The following DYNC1I1 variants were observed in gnomAD, a reference collection of about 807,000 sequenced individuals.
DYNC1I1 encodes the protein dynein cytoplasmic 1 intermediate chain 1.
A neutral mutation model predicts 86.6 loss-of-function variants in DYNC1I1; 43 were observed. The observed-to-expected ratio is 0.50, with a 90% CI of 0.39 to 0.64. The LOEUF is 0.64. Among genes scored for constraint, DYNC1I1 ranks in the 30% least tolerant of loss-of-function variants. The pLI is 0.00. For missense variants in DYNC1I1, 604 were observed against 788.8 expected (o/e 0.77, Z 2.81); for synonymous variants, 262 against 283.7 (o/e 0.92, Z 0.77).
At chr7:96,100,650 T>TTGTGTGTGTGTGTGTG (rs57129262), downstream of DYNC1I1, among the ~76,000 whole-genome samples, 2,186 of 142,884 alleles carry the variant, frequency 0.015, 25 homozygotes, top group Middle Eastern at 0.035. Context: ...TTTGAGGGTT[T>TTGTGTGTGTGTGTGTG]TGTGTGTGTG....
chr7:95,905,069 A>C (rs1478261654), intron 6 of DYNC1I1, among the ~76,000 whole-genome samples: 1 of 152,206 alleles, frequency 6.6e-6, no homozygotes, highest in Non-Finnish European at 1.5e-5. Flanking sequence ...AGTTTAAGCA[A>C]GTGGGTCAAT....
chr7:95,779,617 C>T (rs1284778403), intron 1 of DYNC1I1, among the ~76,000 whole-genome samples: 3 of 152,140 alleles, frequency 2.0e-5, no homozygotes, highest in East Asian at 1.9e-4. Context: ...CATTGACGTT[C>T]GTATTTCTCC....
chr7:95,953,551 G>C (rs1248338753), intron 6 of DYNC1I1, among the ~76,000 whole-genome samples: 1 of 152,162 alleles, frequency 6.6e-6, no homozygotes, highest in Non-Finnish European at 1.5e-5. Flanking sequence ...TGTAGGTATT[G>C]AATATCATAC....
At chr7:95,804,874 G>A in intron 2 of DYNC1I1, 37 bp downstream of exon 2, 2 of 1,533,380 alleles carry the variant, frequency 1.3e-6, no homozygotes, top group East Asian at 2.5e-5. Context: ...GGGGGAAAAA[G>A]GAAAATCACT....
chr7:95,900,511 A>G (rs1334786341), intron 6 of DYNC1I1, among the ~76,000 whole-genome samples: 2 of 152,150 alleles, frequency 1.3e-5, no homozygotes, highest in Non-Finnish European at 2.9e-5. Context: ...TTAGATGTGT[A>G]TAGTTAAATT....
intron 5 of DYNC1I1, among the ~76,000 whole-genome samples, chr7:95,830,863 C>T (rs758127290): frequency 3.3e-5 from 5 of 152,084 alleles, no homozygotes; most frequent in African/African-American, 7.2e-5. Context: ...TTCTTGACAA[C>T]GCTTAGTTTG....
At chr7:96,046,905 G>A (rs1206566809) in intron 14 of DYNC1I1, among the ~76,000 whole-genome samples, 1 of 152,158 alleles carries the variant, frequency 6.6e-6, no homozygotes, top group South Asian at 2.1e-4. Flanking sequence ...TTAGACTGAG[G>A]TGTCTGGAAA....
chr7:96,070,061 G>T (rs1378564574), intron 14 of DYNC1I1, among the ~76,000 whole-genome samples: 1 of 152,094 alleles, frequency 6.6e-6, no homozygotes, highest in Non-Finnish European at 1.5e-5. Flanking sequence ...TTCTGACCAC[G>T]ATACACACAG....
At chr7:95,973,766 A>G (rs1436104999) in intron 6 of DYNC1I1, among the ~76,000 whole-genome samples, 3 of 152,190 alleles carry the variant, frequency 2.0e-5, no homozygotes, top group Admixed American at 6.5e-5. Flanking sequence ...AATGTTTAAA[A>G]TAAACACCCT....
chr7:96,034,155 G>C (rs1794879020), intron 12 of DYNC1I1, among the ~76,000 whole-genome samples: 2 of 151,990 alleles, frequency 1.3e-5, no homozygotes, highest in Non-Finnish European at 2.9e-5. Flanking sequence ...AATAATTTTA[G>C]GGAGAAAAAG....
chr7:95,979,562 GA>G (rs1793398866), intron 7 of DYNC1I1, among the ~76,000 whole-genome samples: 1 of 152,056 alleles, frequency 6.6e-6, no homozygotes, highest in African/African-American at 2.4e-5. Flanking sequence ...TTTGAAATGA[GA>G]ACATGGTTAC....
At chr7:95,773,270 C>A (rs375710727) in intron 1 of DYNC1I1, among the ~76,000 whole-genome samples, 6 of 152,328 alleles carry the variant, frequency 3.9e-5, no homozygotes, top group East Asian at 3.9e-4. Flanking sequence ...TCGGAGGGAG[C>A]GAATTCACTT....
At chr7:96,104,217 T>G (rs2116349198) in intron 16 of DYNC1I1, among the ~76,000 whole-genome samples, 2 of 152,232 alleles carry the variant, frequency 1.3e-5, no homozygotes, top group South Asian at 4.1e-4. Context: ...TCTTTATATA[T>G]TCTGCTTTTA....
chr7:96,101,498 G>A (rs1221777121), downstream of DYNC1I1, among the ~76,000 whole-genome samples: 1 of 152,136 alleles, frequency 6.6e-6, no homozygotes, highest in Non-Finnish European at 1.5e-5. Flanking sequence ...GGACCTATGG[G>A]CATTTATTCA....
chr7:95,910,148 A>G (rs1234322993), intron 6 of DYNC1I1, among the ~76,000 whole-genome samples: 1 of 152,188 alleles, frequency 6.6e-6, no homozygotes, highest in African/African-American at 2.4e-5. Context: ...TGGAGGACTC[A>G]GAATTCTTCT....
intron 1 of DYNC1I1, among the ~76,000 whole-genome samples, chr7:95,790,057 GA>G (rs1794253470): frequency 1.3e-5 from 2 of 152,106 alleles, no homozygotes; most frequent in South Asian, 4.1e-4. Flanking sequence ...TACACACTAG[GA>G]ATTAATTATC....
chr7:95,843,912 G>A (rs1402910042), intron 5 of DYNC1I1, among the ~76,000 whole-genome samples: 1 of 152,220 alleles, frequency 6.6e-6, no homozygotes, highest in Non-Finnish European at 1.5e-5. Flanking sequence ...TCACAGGAGA[G>A]AAAGAACTAA....
chr7:95,780,579 C>T (rs1398595551), intron 1 of DYNC1I1, among the ~76,000 whole-genome samples: 3 of 151,996 alleles, frequency 2.0e-5, no homozygotes, highest in African/African-American at 7.2e-5. Context: ...CGCCCGGCCT[C>T]ACTTTCCCTT....
chr7:95,869,968 C>G lies in DYNC1I1; in HGVS notation c.460C>G (p.Gln154Glu). 6.2e-7 allele frequency: 1 copy of G among 1,613,950 alleles called. No homozygotes were observed. The highest frequency in any genetic ancestry group is 8.5e-7 in the Non-Finnish European group (1 of 1,179,906). The change falls in exon 6 of 17, where the codon CAG becomes GAG. Residue 154 changes from glutamine (Q) to glutamate (E), a missense_variant. Coordinates refer to ENST00000447467, the MANE Select transcript of DYNC1I1 (RefSeq NM_001135556.2). ...REVVSYSKET[Q>E]TPLATHQSEE... ...AGTAGTGTCCTACTCAAAGGAGACC[C>G]AGACTCCTCTTGCCACGCATCAGTC...
Sources: gnomAD v4.1 joint callset for allele counts (sites outside exome capture counted in the v4.1 genomes callset) on GRCh38, gnomAD v4.1.1 for gene constraint, MANE v1.5 for transcripts, NCBI Gene and HGNC (gene_info 2026-07-23, HGNC 2026-07-21) for gene names.